FHL2: variants seen among roughly 807,000 people sequenced by gnomAD.
FHL2 encodes four and a half LIM domains 2.
A neutral mutation model predicts 32.7 loss-of-function variants in FHL2; 20 were observed. That is an observed-to-expected ratio of 0.61 (90% CI 0.43 to 0.89). The LOEUF is 0.89. Among genes scored for constraint, FHL2 ranks in the 40% least tolerant of loss-of-function variants. The pLI, the probability that FHL2 is intolerant of heterozygous loss-of-function variation, is 0.00. For synonymous variants in FHL2, 123 were observed against 128.1 expected (o/e 0.96, Z 0.27); for missense variants, 311 against 358.6 (o/e 0.87, Z 1.07).
chr2:105,397,137 A>C (rs1683195629), intron 1 of FHL2, among the ~76,000 whole-genome samples: 1 of 150,244 alleles, frequency 6.7e-6, no homozygotes, highest in South Asian at 2.1e-4. Flanking sequence ...AAGGCCTCAT[A>C]GAAATATTCA....
intron 1 of FHL2, among the ~76,000 whole-genome samples, chr2:105,428,780 C>T (rs908695746): frequency 5.9e-5 from 9 of 152,218 alleles, no homozygotes; most frequent in Non-Finnish European, 1.0e-4. Flanking sequence ...TCTTCCTTAC[C>T]TGCTCCTCTT....
At chr2:105,410,114 C>T (rs911633603) in intron 1 of FHL2, among the ~76,000 whole-genome samples, 12 of 152,242 alleles carry the variant, frequency 7.9e-5, no homozygotes, top group Non-Finnish European at 1.6e-4. Context: ...AATCGGGACA[C>T]AGGAGAAGTT....
intron 2 of FHL2, among the ~76,000 whole-genome samples, chr2:105,388,589 G>A (rs892131170): frequency 1.3e-4 from 20 of 151,724 alleles, no homozygotes; most frequent in South Asian, 6.2e-4. Flanking sequence ...TTGGGAGGCC[G>A]AGACAGGTGG....
chr2:105,410,488 C>G (rs1683759094), intron 1 of FHL2, among the ~76,000 whole-genome samples: 1 of 152,144 alleles, frequency 6.6e-6, no homozygotes, highest in South Asian at 2.1e-4. Context: ...TCTAACAGCA[C>G]CAGTCTCTCG....
At chr2:105,381,681 A>C (rs1018030761) in intron 3 of FHL2, among the ~76,000 whole-genome samples, 1 of 152,188 alleles carries the variant, frequency 6.6e-6, no homozygotes, top group Non-Finnish European at 1.5e-5. Context: ...CTTCACAGAC[A>C]GATTTTTGTC....
chr2:105,403,598 G>T (rs1683539636), upstream of FHL2, among the ~76,000 whole-genome samples: 1 of 152,192 alleles, frequency 6.6e-6, no homozygotes, highest in South Asian at 2.1e-4. Flanking sequence ...TGTTAGAAGT[G>T]CACATTCTCA....
chr2:105,396,918 C>CGGT (rs1683169399), intron 1 of FHL2: 1 of 507,798 alleles, frequency 2.0e-6, no homozygotes, highest in Admixed American at 3.6e-5. Context: ...GACTCAGGCC[C>CGGT]GGTGCTGACA....
intron 3 of FHL2, among the ~76,000 whole-genome samples, chr2:105,385,556 C>T (rs1307506154): frequency 1.3e-5 from 2 of 152,192 alleles, no homozygotes; most frequent in Middle Eastern, 6.3e-3. Context: ...CCAAAGGAAT[C>T]CCATTTTGTA....
chr2:105,396,519 C>T (rs1463536985), intron 2 of FHL2, 128 bp downstream of exon 2: 10 of 786,876 alleles, frequency 1.3e-5, no homozygotes, highest in Non-Finnish European at 1.9e-5. Context: ...CCCAGACACA[C>T]CCAGAACATA....
chr2:105,405,189 A>G (rs1683589284), intron 1 of FHL2, among the ~76,000 whole-genome samples: 2 of 152,290 alleles, frequency 1.3e-5, no homozygotes, highest in South Asian at 2.1e-4. Context: ...GGAGCAATCC[A>G]TTCACTTCTC....
intron 1 of FHL2, chr2:105,438,345 C>A: frequency 1.0e-6 from 1 of 984,990 alleles, no homozygotes; most frequent in Non-Finnish European, 1.2e-6. Flanking sequence ...CAGAGACAGG[C>A]TGGGAAGGAT....
chr2:105,401,060 G>A, upstream of FHL2, among the ~76,000 whole-genome samples: 1 of 126,894 alleles, frequency 7.9e-6, no homozygotes, highest in African/African-American at 3.0e-5. Context: ...GATCTTATTG[G>A]ATTCTTTTTT....
At chr2:105,384,652 T>TA (rs1682161850) in intron 3 of FHL2, among the ~76,000 whole-genome samples, 2 of 152,168 alleles carry the variant, frequency 1.3e-5, no homozygotes, top group African/African-American at 4.8e-5. Context: ...GGATTACAGA[T>TA]ATGCACCACC....
In FHL2 at chr2:105,416,711, C is replaced by G. The variant is rs376257143; in HGVS notation, c.-25+21688G>C. Among the ~76,000 whole-genome samples, 4 of 152,160 alleles carry G rather than the reference C, an allele frequency of 2.6e-5. No individual in the cohort carries two copies. The East Asian group carries it at 7.7e-4, about 29-fold the overall frequency. The stretch of plus-strand genomic sequence containing the variant: ...GATACATTTCATTATACAATATTAA[C>G]AAATTACAGTAATTGATATCACCAT... On this transcript the variant is annotated intron_variant, in intron 1 of 5. Coordinates refer to the FHL2 transcript ENST00000393352.
At chr2:105,416,248 A>C (rs1683931516) in intron 1 of FHL2, among the ~76,000 whole-genome samples, 1 of 152,260 alleles carries the variant, frequency 6.6e-6, no homozygotes, top group African/African-American at 2.4e-5. Context: ...AAAACAAAAC[A>C]ACTAGTAAGA....
In FHL2 at chr2:105,363,443, C is replaced by A; in HGVS notation, c.530G>T (p.Arg177Leu). ...GCACTCCTTGTGCCAGGGCTGCTCC[C>A]GGTAAGTGACCCCTCCCGTGGTGAT... ...KPITTGGVTY[R>L]EQPWHKECFV... The change falls in exon 6 of 7, where the codon CGG (arginine) becomes CTG (leucine). Residue 177 changes from arginine (R) to leucine (L), a missense_variant. Coordinates refer to ENST00000530340, the MANE Select transcript of FHL2 (RefSeq NM_001318895.3). 6.2e-7 allele frequency: 1 copy of A among 1,611,132 alleles called. No homozygotes were observed. The highest frequency in any genetic ancestry group is 8.5e-7 in the Non-Finnish European group (1 of 1,178,760).
rs546022642 is a variant in FHL2 at position 105,430,787 on chromosome 2, A to T, written c.-25+7612T>A. Among the ~76,000 whole-genome samples, 6 of 152,332 alleles carry T rather than the reference A, an allele frequency of 3.9e-5. No homozygotes were observed. The South Asian group carries it at 1.2e-3, about 32-fold the overall frequency. ...GAGATCCTAAGACCTCATTCCACAGAGGTCCTGCCCTGTGTCTGGGAGAAA... is the reference window on the plus strand; with the variant it reads ...GAGATCCTAAGACCTCATTCCACAGTGGTCCTGCCCTGTGTCTGGGAGAAA... On this transcript the variant is annotated intron_variant, in intron 1 of 5. Coordinates refer to the FHL2 transcript ENST00000393352.
chr2:105,368,563 G>A (rs976430440), intron 4 of FHL2, among the ~76,000 whole-genome samples: 6 of 152,088 alleles, frequency 3.9e-5, no homozygotes, highest in African/African-American at 1.2e-4. Context: ...ATTGTCTTTT[G>A]AATAACTATT....
chr2:105,436,913 T>C (rs899743841), intron 1 of FHL2, among the ~76,000 whole-genome samples: 3 of 152,162 alleles, frequency 2.0e-5, no homozygotes, highest in African/African-American at 7.2e-5. Flanking sequence ...TTAGAATCAG[T>C]CTCTGGGCCA....
Sources: gnomAD v4.1 joint callset for allele counts (sites outside exome capture counted in the v4.1 genomes callset) on GRCh38, gnomAD v4.1.1 for gene constraint, MANE v1.5 for transcripts, NCBI Gene and HGNC (gene_info 2026-07-23, HGNC 2026-07-21) for gene names.